UBR2: variants seen among roughly 807,000 people sequenced by gnomAD.
The protein encoded by UBR2 is ubiquitin protein ligase E3 component n-recognin 2.
Under a neutral mutation model 247.9 loss-of-function variants are expected in UBR2, and 92 were observed. The observed-to-expected ratio is 0.37, with a 90% CI of 0.31 to 0.44. The LOEUF (loss-of-function observed/expected upper bound fraction) is 0.44. Ranked by LOEUF, UBR2 falls within the 20% of genes least tolerant of loss-of-function variation. UBR2 has a pLI of 1.00. For synonymous variants in UBR2, 672 were observed against 693.5 expected, an observed-to-expected ratio of 0.97 and a Z score of 0.49; for missense variants, 1,613 against 2,112.6, an observed-to-expected ratio of 0.76 and a Z score of 4.64.
intron 46 of UBR2, among the ~76,000 whole-genome samples, chr6:42,690,484 A>G (rs573381185): frequency 1.3e-5 from 2 of 152,284 alleles, no homozygotes; most frequent in African/African-American, 4.8e-5. Flanking sequence ...CCAGGCAGGA[A>G]CCCACCAAAG....
rs979070104 is a variant in UBR2 at position 42,574,171 on chromosome 6, G to A, written c.338+178G>A. On this transcript the variant is annotated intron_variant, in intron 2 of 46. Transcript: ENST00000372901. ...AGCAAACATTTTTGTAATTATTCTT[G>A]ATCAAAAAAAATTGTCACCAGCATT... Among the ~76,000 whole-genome samples, 6 of 151,766 alleles carry A rather than the reference G, an allele frequency of 4.0e-5. 1 individual carries two copies. The highest frequency in any genetic ancestry group is 2.6e-4 in the Admixed American group (4 of 15,228).
intron 10 of UBR2, 113 bp downstream of exon 10, chr6:42,616,203 T>G (rs1794537413): frequency 1.6e-6 from 1 of 623,354 alleles, no homozygotes; most frequent in Non-Finnish European, 2.6e-6. Flanking sequence ...TGTGTTGATA[T>G]TAAATTCTAA....
intron 13 of UBR2, among the ~76,000 whole-genome samples, chr6:42,633,310 T>C (rs188198843): frequency 1.3e-5 from 2 of 152,288 alleles, no homozygotes; most frequent in East Asian, 3.9e-4. Context: ...TTGGAAATTC[T>C]TAGAAAGGTA....
chr6:42,632,958 C>CTTTTTTTTTTTTTTTTTTTAT (rs34284200), intron 13 of UBR2, 54 bp downstream of exon 13: 2 of 610,586 alleles, frequency 3.3e-6, no homozygotes, highest in African/African-American at 2.6e-5. Context: ...TCTCTTTTCT[C>CTTTTTTTTTTTTTTTTTTTAT]TTTTTTTTTT....
intron 11 of UBR2, among the ~76,000 whole-genome samples, chr6:42,630,438 G>A (rs546482806): frequency 6.6e-6 from 1 of 151,322 alleles, no homozygotes; most frequent in East Asian, 2.0e-4. Flanking sequence ...CACCCACCTC[G>A]GCCTCCCTTG....
rs147958351 is a variant in UBR2 at position 42,665,454 on chromosome 6, A to G, written c.3744A>G (p.Arg1248=). 3 of 1,613,514 alleles carry G rather than the reference A, an allele frequency of 1.9e-6. No homozygotes were observed. The highest frequency in any genetic ancestry group is 2.5e-6 in the Non-Finnish European group (3 of 1,179,700). The part of the protein sequence containing the change: ...SDQPNLTQWI[R]TISQQIKALQ... ...AACCAAATCTGACTCAGTGGATTAG[A>G]ACAATATCTCAGCAAATAAAAGCAT... The change falls in exon 33 of 47, where the codon AGA becomes AGG. Residue 1248 remains arginine, a synonymous_variant. Transcript: ENST00000372901.
rs1172764996 is a variant in UBR2, at chr6:42,568,449, G to T, written c.78+4052G>T. Among the ~76,000 whole-genome samples the T allele has an allele frequency of 3.3e-5, 5 of 152,056 alleles. No individual in the cohort carries two copies. In the South Asian group the frequency reaches 8.3e-4, roughly 25 times the overall value. On this transcript the variant is annotated intron_variant, in intron 1 of 46. Transcript: ENST00000372901. ...TGTTTTAAATATTTATCCATGTTGG[G>T]CCAGGCGCGGTGGCTCACACCTGTA...
chr6:42,670,021 G>A, intron 34 of UBR2, 71 bp from the exon 35 acceptor site: 2 of 1,550,446 alleles, frequency 1.3e-6, no homozygotes, highest in South Asian at 2.3e-5. Context: ...GCAAAGAGCT[G>A]TTAAGAAACC....
chr6:42,578,067 G>A (rs1274147658), intron 2 of UBR2, among the ~76,000 whole-genome samples: 1 of 151,838 alleles, frequency 6.6e-6, no homozygotes, highest in Admixed American at 6.6e-5. Context: ...CTGTTGGGAT[G>A]TTTTAACCCT....
chr6:42,647,610 T>A (rs1314773373), intron 21 of UBR2, among the ~76,000 whole-genome samples: 2 of 151,790 alleles, frequency 1.3e-5, no homozygotes, highest in Non-Finnish European at 2.9e-5. Context: ...AAATAAAAAA[T>A]AAAGTGATTG....
Position 42,564,307 on chromosome 6 carries a change from A to G in UBR2, c.-13A>G, listed in dbSNP as rs1242876906. 1.2e-6 allele frequency: 2 copies of G among 1,606,420 alleles called. No homozygotes were observed. Among genetic ancestry groups the G allele is most frequent in the Middle Eastern group, 1.7e-4 (1 of 5,942 alleles). On this transcript the variant is annotated 5_prime_UTR_variant, in exon 1 of 47. Coordinates refer to ENST00000372901, the MANE Select transcript of UBR2 (RefSeq NM_001363705.2). ...CCGGGCGGCGGTAGCGCTGGGGAGGAGGAGGAGAGAAGATGGCGTCGGAGC... is the reference window on the plus strand; with the variant it reads ...CCGGGCGGCGGTAGCGCTGGGGAGGGGGAGGAGAGAAGATGGCGTCGGAGC...
At chr6:42,615,943 C>A in intron 9 of UBR2, 59 bp from the exon 10 acceptor site, 1 of 1,283,892 alleles carries the variant, frequency 7.8e-7, no homozygotes, top group African/African-American at 1.5e-5. Flanking sequence ...TCACATAACA[C>A]TTGAGAAATG....
At chr6:42,670,335 G>C (rs1212648430) in intron 35 of UBR2, 95 bp downstream of exon 35, 17 of 1,443,760 alleles carry the variant, frequency 1.2e-5, no homozygotes, top group Non-Finnish European at 1.6e-5. Context: ...GTTTGAAGTG[G>C]GTAACAACGT....
intron 25 of UBR2, among the ~76,000 whole-genome samples, chr6:42,653,619 T>G (rs1174735542): frequency 5.9e-5 from 8 of 136,214 alleles, no homozygotes; most frequent in African/African-American, 2.2e-4. Flanking sequence ...TTTTTTTTTT[T>G]TTTTTTTTTT....
rs750034112 is a variant in UBR2 at position 42,645,485 on chromosome 6, A to G, written c.2304A>G (p.Gly768=). Residue 768 remains glycine (G), a synonymous_variant, in exon 21 of 47, where the codon GGA becomes GGG. Transcript: ENST00000372901. Reference sequence around the variant, plus strand: ...TGACAGGAGAGAGATTTAGTCCTGGAGTTGGACAGGTAAATGCTACAGATG... The same window carrying G: ...TGACAGGAGAGAGATTTAGTCCTGGGGTTGGACAGGTAAATGCTACAGATG... ...IMLVGERFSP[G]VGQVNATDEI... 2 of 1,613,642 alleles carry G rather than the reference A, an allele frequency of 1.2e-6. No homozygotes were observed. Among genetic ancestry groups the G allele is most frequent in the Non-Finnish European group, 1.7e-6 (2 of 1,179,812 alleles).
intron 2 of UBR2, among the ~76,000 whole-genome samples, chr6:42,581,550 C>T (rs918846750): frequency 6.6e-6 from 1 of 152,172 alleles, no homozygotes; most frequent in South Asian, 2.1e-4. Context: ...TCATCTTGAA[C>T]TCCTGGGGTC....
chr6:42,608,872 T>C (rs1440676309), intron 7 of UBR2, among the ~76,000 whole-genome samples: 1 of 152,172 alleles, frequency 6.6e-6, no homozygotes, highest in Non-Finnish European at 1.5e-5. Flanking sequence ...AACTTTAAAT[T>C]TTAATGTAGC....
Position 42,676,877 on chromosome 6 carries a change from A to G in UBR2, c.4478+4A>G. 1.2e-6 allele frequency: 2 copies of G among 1,608,704 alleles called. No homozygotes were observed. The highest frequency in any genetic ancestry group is 1.7e-6 in the Non-Finnish European group (2 of 1,175,290). ...CACTTCACCAGTATACGGGAAGGTG[A>G]GTTAGTTATCTTTACATAACGCATT... On this transcript the variant is annotated splice_donor_region_variant and intron_variant, in intron 40 of 46. Coordinates refer to ENST00000372901, the MANE Select transcript of UBR2 (RefSeq NM_001363705.2).
chr6:42,652,039 G>T lies in UBR2; in HGVS notation c.2582G>T (p.Arg861Leu). Residue 861 changes from arginine (R) to leucine (L), a missense_variant, in exon 24 of 47, where the codon CGG becomes CTG. Arg to Leu is a moderately radical substitution (Grantham distance 102). Coordinates refer to ENST00000372901, the MANE Select transcript of UBR2 (RefSeq NM_001363705.2). ...TTTTATTAGGCAGAAGAAGCGCAAC[G>T]GAAATTGAAAAGACAAAATAGAGAA... is the stretch of plus-strand genomic sequence containing the variant. ...AEQSKAEEAQ[R>L]KLKRQNREDT... is the part of the protein sequence containing the mutation. 1.3e-6 allele frequency: 2 copies of T among 1,592,090 alleles called. No individual in the cohort carries two copies. The highest frequency in any genetic ancestry group is 2.3e-5 in the East Asian group (1 of 43,228).
Sources: gnomAD v4.1 joint callset for allele counts (sites outside exome capture counted in the v4.1 genomes callset) on GRCh38, gnomAD v4.1.1 for gene constraint, MANE v1.5 for transcripts, NCBI Gene and HGNC (gene_info 2026-07-23, HGNC 2026-07-21) for gene names.